NELL1: variants seen among roughly 807,000 people sequenced by gnomAD.
The protein encoded by NELL1 is neural EGFL like 1.
Under a neutral mutation model 107.4 loss-of-function variants are expected in NELL1, and 76 were observed. That is an observed-to-expected ratio of 0.71 (90% CI 0.59 to 0.86). NELL1 has a LOEUF of 0.86. Among genes scored for constraint, NELL1 ranks in the 40% least tolerant of loss-of-function variants. NELL1 has a pLI of 0.00. For missense variants in NELL1, 1,024 were observed against 1,005.5 expected (o/e 1.02, Z -0.25); for synonymous variants, 353 against 341.2 (o/e 1.03, Z -0.38).
rs757482946 is a variant in NELL1 at position 20,677,973 on chromosome 11, G to T, written c.97G>T (p.Val33Phe). 2 of 1,613,926 alleles carry T rather than the reference G, an allele frequency of 1.2e-6. No individual in the cohort carries two copies. The highest frequency in any genetic ancestry group is 1.7e-6 in the Non-Finnish European group (2 of 1,180,002). Residue 33 changes from valine (V) to phenylalanine (F), a missense_variant, in exon 2 of 20, where the codon GTC (valine) becomes TTC (phenylalanine). Coordinates refer to ENST00000357134, the MANE Select transcript of NELL1 (RefSeq NM_006157.5). ...GMDPDLQMDI[V>F]TELDLVNTTL... The stretch of plus-strand genomic sequence containing the variant: ...GGACCCTGACCTTCAGATGGATATC[G>T]TCACCGAGCTTGACCTTGTGAACAC...
chr11:21,313,504 G>A (rs115337945), intron 14 of NELL1, among the ~76,000 whole-genome samples: 2,845 of 152,200 alleles, frequency 0.019, 90 homozygotes, highest in African/African-American at 0.066. Context: ...GCTTTCCAAG[G>A]TTTAAATCCC....
chr11:21,243,134 A>G (rs1248954293), intron 14 of NELL1, among the ~76,000 whole-genome samples: 2 of 151,964 alleles, frequency 1.3e-5, no homozygotes, highest in Non-Finnish European at 2.9e-5. Context: ...GTATATTCTG[A>G]AAGATACTAG....
chr11:21,516,046 G>T (rs755161838), intron 15 of NELL1, among the ~76,000 whole-genome samples: 1 of 152,128 alleles, frequency 6.6e-6, no homozygotes, highest in Admixed American at 6.5e-5. Context: ...AGCCATGTGT[G>T]GTTACTTATG....
chr11:21,093,216 G>C (rs1054779771), intron 12 of NELL1, among the ~76,000 whole-genome samples: 1 of 152,160 alleles, frequency 6.6e-6, no homozygotes, highest in African/African-American at 2.4e-5. Context: ...GTGTGAACTT[G>C]GGGAAACATA....
chr11:20,812,865 G>A (rs556930938), intron 3 of NELL1, among the ~76,000 whole-genome samples: 2 of 150,866 alleles, frequency 1.3e-5, no homozygotes, highest in Non-Finnish European at 3.0e-5. Flanking sequence ...AAAATTAGCC[G>A]GGCGAGGTGG....
chr11:21,319,155 G>GTA (rs1358499111), intron 14 of NELL1, among the ~76,000 whole-genome samples: 16 of 150,578 alleles, frequency 1.1e-4, no homozygotes, highest in African/African-American at 1.5e-4. Context: ...GTGTGTGTGT[G>GTA]TATATGTATG....
At chr11:21,167,199 G>T (rs1397089208) in intron 13 of NELL1, among the ~76,000 whole-genome samples, 2 of 151,804 alleles carry the variant, frequency 1.3e-5, no homozygotes, top group Non-Finnish European at 2.9e-5. Flanking sequence ...TGTTGCCCCA[G>T]TCTCAAGCAT....
At chr11:21,181,397 G>GA (rs143485635) in intron 13 of NELL1, among the ~76,000 whole-genome samples, 16 of 151,456 alleles carry the variant, frequency 1.1e-4, no homozygotes, top group East Asian at 1.9e-4. Context: ...ATTGAAAGGA[G>GA]AAAAAAAAGC....
At chr11:21,322,564 ATTAC>A (rs1485712418) in intron 14 of NELL1, among the ~76,000 whole-genome samples, 1 of 152,154 alleles carries the variant, frequency 6.6e-6, no homozygotes, top group African/African-American at 2.4e-5. Context: ...ATAAAATGCT[ATTAC>A]TTATATACTC....
chr11:21,410,784 T>C (rs865872452), intron 15 of NELL1, among the ~76,000 whole-genome samples: 47 of 152,220 alleles, frequency 3.1e-4, no homozygotes, highest in African/African-American at 1.1e-3. Flanking sequence ...TGGTGTAGTG[T>C]GCCTGGTGAA....
intron 13 of NELL1, among the ~76,000 whole-genome samples, chr11:21,158,162 C>G (rs926741496): frequency 6.6e-6 from 1 of 152,156 alleles, no homozygotes; most frequent in Non-Finnish European, 1.5e-5. Context: ...GTTCTTCAGC[C>G]TTGGACTCTT....
intron 3 of NELL1, among the ~76,000 whole-genome samples, chr11:20,798,700 G>T (rs1357851387): frequency 6.6e-6 from 1 of 152,162 alleles, no homozygotes; most frequent in Non-Finnish European, 1.5e-5. Flanking sequence ...CATTGGTGAG[G>T]GTGGTGCAAT....
chr11:20,701,253 T>A (rs1473961675), intron 2 of NELL1, among the ~76,000 whole-genome samples: 3 of 152,202 alleles, frequency 2.0e-5, no homozygotes, highest in African/African-American at 7.2e-5. Flanking sequence ...ATTTCTCTGA[T>A]GCTCAGTCAT....
At chr11:21,149,411 CA>C (rs2133784037) in intron 13 of NELL1, among the ~76,000 whole-genome samples, 1 of 152,274 alleles carries the variant, frequency 6.6e-6, no homozygotes, top group South Asian at 2.1e-4. Context: ...TGGTGGAAGG[CA>C]AAGGAGGAGC....
chr11:20,706,949 C>G (rs185284542), intron 2 of NELL1, among the ~76,000 whole-genome samples: 1 of 152,128 alleles, frequency 6.6e-6, no homozygotes, highest in Non-Finnish European at 1.5e-5. Context: ...GGGAAGTTCT[C>G]CTGAAGAGTA....
chr11:21,226,084 C>G (rs1466694330), intron 13 of NELL1, among the ~76,000 whole-genome samples: 3 of 152,090 alleles, frequency 2.0e-5, no homozygotes, highest in Admixed American at 2.0e-4. Context: ...TCCTTGGCAA[C>G]TGGAAAGGAA....
intron 12 of NELL1, among the ~76,000 whole-genome samples, chr11:21,075,828 T>C (rs1190374827): frequency 6.6e-6 from 1 of 152,186 alleles, no homozygotes; most frequent in African/African-American, 2.4e-5. Context: ...AATTTTCTCC[T>C]TTTATTTTTC....
intron 11 of NELL1, among the ~76,000 whole-genome samples, chr11:20,957,608 C>A (rs1182025368): frequency 6.6e-6 from 1 of 151,736 alleles, no homozygotes; most frequent in Non-Finnish European, 1.5e-5. Flanking sequence ...TTAGAATTAT[C>A]AATATAAAAT....
intron 2 of NELL1, among the ~76,000 whole-genome samples, chr11:20,733,489 G>T (rs1855693829): frequency 6.6e-6 from 1 of 152,176 alleles, no homozygotes; most frequent in South Asian, 2.1e-4. Context: ...AACAGATGAG[G>T]ATAGGAAGTA....
Sources: allele counts gnomAD v4.1 joint callset (sites outside exome capture counted in the v4.1 genomes callset), GRCh38; gene constraint gnomAD v4.1.1; transcripts MANE v1.5; gene names NCBI Gene and HGNC (gene_info 2026-07-23, HGNC 2026-07-21).